Variants in SEC16B observed in about 807,000 individuals in gnomAD.
The protein encoded by SEC16B is SEC16 homolog B, endoplasmic reticulum export factor.
In SEC16B, 115 loss-of-function variants were observed where a neutral mutation model predicts 141.8. That is an observed-to-expected ratio of 0.81 (90% confidence interval 0.70 to 0.95). SEC16B has a LOEUF of 0.95. Among genes scored for constraint, SEC16B ranks in the 40% least tolerant of loss-of-function variants. The pLI, the probability that SEC16B is intolerant of heterozygous loss-of-function variation, is 0.00. For missense variants in SEC16B, 1,291 were observed against 1,312.3 expected, an observed-to-expected ratio of 0.98 and a Z score of 0.25; for synonymous variants, 493 against 492.5, an observed-to-expected ratio of 1.00 and a Z score of -0.01.
rs775270454 is a variant in SEC16B, at chr1:177,967,707, C to T, written c.275G>A (p.Gly92Asp). 3.7e-6 allele frequency: 6 copies of T among 1,605,684 alleles called. No individual in the cohort carries two copies. The highest frequency in any genetic ancestry group is 1.3e-5 in the African/African-American group (1 of 74,736). Reference protein sequence around the residue: ...PVSGVDYYEGGYRNQLYSRPG... With the variant: ...PVSGVDYYEGDYRNQLYSRPG... ...CCTTGAATACAACTGATTGCGATAA[C>T]CACCTTCGTAATAGTCAACTCCAGA... Residue 92 changes from glycine to aspartate, a missense_variant, in exon 2 of 26, where the codon GGT becomes GAT. By Grantham distance (94) the Gly-to-Asp change is moderately conservative. This residue lies in a region of SEC16B where 681 missense variants were observed against 675.5 expected (regional missense o/e 1.01). Transcript: ENST00000308284.
At chr1:177,941,175 T>A (rs1200114420) in intron 16 of SEC16B, among the ~76,000 whole-genome samples, 1 of 152,242 alleles carries the variant, frequency 6.6e-6, no homozygotes, top group Non-Finnish European at 1.5e-5. Flanking sequence ...AAGGATTTAT[T>A]CCATAAACAA....
At chr1:177,946,995 A>G (rs577183070) in intron 13 of SEC16B, among the ~76,000 whole-genome samples, 58 of 152,228 alleles carry the variant, frequency 3.8e-4, no homozygotes, top group Middle Eastern at 3.4e-3. Context: ...TCTCCCATAC[A>G]TTTTCCACTG....
rs1246382627 is a variant in SEC16B at position 177,928,947 on chromosome 1, T to G, written c.*911A>C. 1 of 152,292 alleles carries G rather than the reference T, an allele frequency of 6.6e-6. No homozygotes were observed. Among genetic ancestry groups the G allele is most frequent in the African/African-American group, 2.4e-5 (1 of 41,442 alleles). 9.4% of individuals were successfully genotyped at this position (152,292 alleles called of 1,614,324 possible). A position where few individuals can be genotyped will look rare whatever the true frequency, so the allele number is the denominator to read the frequency against. On this transcript the variant is annotated 3_prime_UTR_variant, in exon 26 of 26. Coordinates refer to ENST00000308284, the MANE Select transcript of SEC16B (RefSeq NM_033127.4). ...CAAACAGCAAGAGTCATTCCTATTT[T>G]GGGTTTGAAAAGAGAAATGGAAATT...
At chr1:177,950,524 A>G (rs1652103045) in intron 12 of SEC16B, among the ~76,000 whole-genome samples, 1 of 152,220 alleles carries the variant, frequency 6.6e-6, no homozygotes, top group South Asian at 2.1e-4. Flanking sequence ...CAGAATGTAT[A>G]CAAATACACC....
chr1:177,964,112 G>T, intron 5 of SEC16B, 59 bp downstream of exon 5: 1 of 1,264,718 alleles, frequency 7.9e-7, no homozygotes, highest in South Asian at 1.4e-5. Context: ...TGCCACTGCT[G>T]ACAGTGTCAG....
chr1:177,942,526 G>A (rs763199890), intron 15 of SEC16B, among the ~76,000 whole-genome samples: 4 of 152,034 alleles, frequency 2.6e-5, no homozygotes, highest in African/African-American at 2.4e-5. Context: ...AAATTAGCTG[G>A]GCATGGTGGC....
At chr1:177,969,032 C>A (rs1177576818) in intron 1 of SEC16B, among the ~76,000 whole-genome samples, 1 of 152,156 alleles carries the variant, frequency 6.6e-6, no homozygotes, top group Non-Finnish European at 1.5e-5. Context: ...GGAAAGCACG[C>A]CTCAGATCTT....
chr1:177,932,654 C>T, intron 23 of SEC16B, 44 bp downstream of exon 23: 1 of 1,522,806 alleles, frequency 6.6e-7, no homozygotes. Flanking sequence ...CTTGGGAGTG[C>T]TGAGGGGACC....
At chr1:177,955,053 A>G (rs1652491810) in intron 10 of SEC16B, among the ~76,000 whole-genome samples, 1 of 152,190 alleles carries the variant, frequency 6.6e-6, no homozygotes, top group South Asian at 2.1e-4. Context: ...CCTAAAAACA[A>G]AAAGAGCTCC....
chr1:177,964,637 T>C (rs1317146174), intron 4 of SEC16B, among the ~76,000 whole-genome samples: 3 of 152,182 alleles, frequency 2.0e-5, no homozygotes, highest in Non-Finnish European at 2.9e-5. Flanking sequence ...CTGTCTTGTC[T>C]TACCACAGGG....
At chr1:177,961,470 G>T in intron 6 of SEC16B, 120 bp downstream of exon 6, 1 of 1,060,466 alleles carries the variant, frequency 9.4e-7, no homozygotes, top group Non-Finnish European at 1.3e-6. Flanking sequence ...CTGCCCAGGT[G>T]ACCTACATAA....
In SEC16B at chr1:177,966,678, G is replaced by A. The variant is rs370005774; in HGVS notation, c.300-673C>T. Among the ~76,000 whole-genome samples the A allele has an allele frequency of 1.8e-3, 274 of 151,928 alleles. 1 individual carries two copies. The highest frequency in any genetic ancestry group is 6.4e-3 in the African/African-American group (264 of 41,484). ...TCTCCCGGGTTTAAGTGATTCTCCC[G>A]TCTCTACCCAGGTAGCTGGGATTAC... On this transcript the variant is annotated intron_variant, in intron 2 of 25. Coordinates refer to ENST00000308284, the MANE Select transcript of SEC16B (RefSeq NM_033127.4).
intron 14 of SEC16B, 58 bp downstream of exon 14, chr1:177,946,362 G>A (rs777743791): frequency 4.0e-6 from 5 of 1,254,202 alleles, no homozygotes; most frequent in South Asian, 1.3e-5. Context: ...ACCCAACAAG[G>A]GCTAAAACAG....
chr1:177,982,667 C>T (rs1030133477), intron 1 of SEC16B, among the ~76,000 whole-genome samples: 58 of 152,272 alleles, frequency 3.8e-4, no homozygotes, highest in African/African-American at 1.2e-3. Context: ...ACTGCATGGC[C>T]ACCAATGGTG....
chr1:177,948,505 C>T (rs144118841), intron 12 of SEC16B: 2 of 1,304,088 alleles, frequency 1.5e-6, no homozygotes, highest in South Asian at 1.2e-5. Flanking sequence ...AAAATCAAGC[C>T]AAGTGGCCCA....
At chr1:177,960,674 A>C (rs1434792739) in intron 7 of SEC16B, 117 bp downstream of exon 7, 7 of 1,182,072 alleles carry the variant, frequency 5.9e-6, no homozygotes, top group Non-Finnish European at 8.2e-6. Context: ...AGTTTCCCGC[A>C]AGAGCATCCC....
chr1:177,949,420 ACACACACAC>A (rs1651995097), intron 12 of SEC16B, among the ~76,000 whole-genome samples: 1 of 151,220 alleles, frequency 6.6e-6, no homozygotes, highest in African/African-American at 2.4e-5. Context: ...ACACACACAC[ACACACACAC>A]AAAGAAAAAC....
chr1:177,974,942 C>T (rs1654111061), upstream of SEC16B, among the ~76,000 whole-genome samples: 1 of 152,160 alleles, frequency 6.6e-6, no homozygotes, highest in African/African-American at 2.4e-5. Context: ...GGCACCTGTT[C>T]CTCTAAATCA....
chr1:177,964,912 C>T, intron 4 of SEC16B, 135 bp downstream of exon 4: 14 of 1,055,086 alleles, frequency 1.3e-5, no homozygotes, highest in Non-Finnish European at 1.9e-5. Flanking sequence ...TGGGATATTC[C>T]CATATCCCTG....
Sources: allele counts gnomAD v4.1 joint callset (sites outside exome capture counted in the v4.1 genomes callset), GRCh38; gene constraint gnomAD v4.1.1; regional missense constraint gnomAD v4.1.1; transcripts MANE v1.5; gene names NCBI Gene and HGNC (gene_info 2026-07-23, HGNC 2026-07-21).